Variants in INTS2 observed in about 807,000 individuals in gnomAD.
INTS2 encodes the protein integrator complex subunit 2.
In INTS2, 57 loss-of-function variants were observed where a neutral mutation model predicts 139.6. The ratio of observed to expected loss-of-function variants is 0.41; its 90% CI spans 0.33 to 0.51. INTS2 has a LOEUF of 0.51. INTS2 is among the 20% of genes least tolerant of loss of function. The probability of loss-of-function intolerance (pLI) is 0.28; values close to 1 mark genes in which losing one functional copy is unlikely to be tolerated. For synonymous variants in INTS2, 473 were observed against 493.4 expected, an observed-to-expected ratio of 0.96 and a Z score of 0.55; for missense variants, 1,196 against 1,436.7, an observed-to-expected ratio of 0.83 and a Z score of 2.71.
At position 61,921,829 on chromosome 17, in the gene INTS2, T is replaced by G; in HGVS notation, c.433-2A>C. Reference sequence around the variant, plus strand: ...AAATTCTCCGTTGGACTCAGACACCTTAAAAAAGAAAAAAAAAAGATATAA... The same window carrying G: ...AAATTCTCCGTTGGACTCAGACACCGTAAAAAAGAAAAAAAAAAGATATAA... On this transcript the variant is annotated splice_acceptor_variant, in intron 3 of 24. Coordinates refer to ENST00000251334, the MANE Select transcript of INTS2 (RefSeq NM_001351695.2). LOFTEE classifies it high-confidence loss of function. 6.8e-7 allele frequency: 1 copy of G among 1,474,894 alleles called. No individual in the cohort carries two copies. Among genetic ancestry groups the G allele is most frequent in the Non-Finnish European group, 9.3e-7 (1 of 1,077,400 alleles). 91.4% of individuals were successfully genotyped at this position (1,474,894 alleles called of 1,614,324 possible). A position where few individuals can be genotyped will look rare whatever the true frequency, so the allele number is the denominator to read the frequency against.
chr17:61,869,397 C>CG lies in INTS2; in HGVS notation c.3031-18dup, dbSNP rs1215920391. The CG allele has an allele frequency of 2.7e-6, 4 of 1,491,534 alleles. No homozygotes were observed. The highest frequency in any genetic ancestry group is 1.9e-5 in the Admixed American group (1 of 51,408). The allele number at this position is 1,491,534 out of a possible 1,614,324, so 92.4% of individuals were successfully genotyped here. ...TGGATAACCCTATCTCAACAAGAAA[C>CG]GGGAAAAAAGTCAGAAATAAAATAA... On this transcript the variant is annotated splice_polypyrimidine_tract_variant and intron_variant, in intron 21 of 24. Transcript: ENST00000251334. The surrounding 1 kb of genome is among the most constrained non-coding windows in gnomAD (Gnocchi z 5.4).
chr17:61,915,824 A>T (rs1238027755), intron 5 of INTS2, among the ~76,000 whole-genome samples: 2 of 149,178 alleles, frequency 1.3e-5, no homozygotes, highest in Non-Finnish European at 3.0e-5. Context: ...TCTAAAAAAA[A>T]AAAAAAAAAA....
intron 15 of INTS2, among the ~76,000 whole-genome samples, chr17:61,888,737 C>T (rs2079256853): frequency 6.6e-6 from 1 of 151,974 alleles, no homozygotes; most frequent in Admixed American, 6.6e-5. Flanking sequence ...CAAAACGAAA[C>T]TCTTCGGCCA....
rs1229284478 is a variant in INTS2 at position 61,866,448 on chromosome 17, G to A, written c.*1109C>T. 6.6e-6 allele frequency: 1 copy of A among 151,662 alleles called. No homozygotes were observed. The highest frequency in any genetic ancestry group is 2.4e-5 in the African/African-American group (1 of 41,268). 9.4% of individuals were successfully genotyped at this position (151,662 alleles called of 1,614,324 possible). A position where few individuals can be genotyped will look rare whatever the true frequency, so the allele number is the denominator to read the frequency against. On this transcript the variant is annotated 3_prime_UTR_variant, in exon 25 of 25. Transcript: ENST00000251334. ...TGAGGTATATCTCAGAGAGAAAAAA[G>A]GGAATTACTTTCTACATTGATAATT...
Position 61,885,235 on chromosome 17 carries a change from C to T in INTS2, c.1985-230G>A, listed in dbSNP as rs1315440916. 1.3e-5 allele frequency: 7 copies of T among 522,212 alleles called. No individual in the cohort carries two copies. The South Asian group carries it at 1.5e-4, about 11-fold the overall frequency. 32.3% of individuals were successfully genotyped at this position (522,212 alleles called of 1,614,324 possible). On this transcript the variant is annotated intron_variant, in intron 15 of 24. Transcript: ENST00000251334. ...AAATGTCCTGAAATTTAAAACTAGA[C>T]AGAAGAAAATTCATAACAGGTTGAG...
intron 15 of INTS2, among the ~76,000 whole-genome samples, chr17:61,885,562 G>A (rs1374815249): frequency 1.3e-5 from 2 of 151,644 alleles, no homozygotes; most frequent in Non-Finnish European, 2.9e-5. Flanking sequence ...TGGGATAACA[G>A]GCATCCACCA....
At chr17:61,922,133 G>C (rs2079647949) in intron 3 of INTS2, among the ~76,000 whole-genome samples, 1 of 152,056 alleles carries the variant, frequency 6.6e-6, no homozygotes, top group Non-Finnish European at 1.5e-5. Context: ...TACATAAACT[G>C]CTTTAAAAAA....
At chr17:61,888,876 T>A (rs906913138) in intron 15 of INTS2, among the ~76,000 whole-genome samples, 9 of 151,826 alleles carry the variant, frequency 5.9e-5, no homozygotes, top group African/African-American at 2.2e-4. Flanking sequence ...TACAAAAAAA[T>A]TAGCCGGGCG....
chr17:61,895,270 T>C (rs749737548), intron 12 of INTS2, 45 bp downstream of exon 12: 10 of 1,122,250 alleles, frequency 8.9e-6, no homozygotes, highest in Non-Finnish European at 1.3e-5. Context: ...CCAAAGAATA[T>C]TGTAAAAGAA....
intron 8 of INTS2, among the ~76,000 whole-genome samples, chr17:61,906,071 T>C (rs376133834): frequency 2.0e-5 from 3 of 152,168 alleles, no homozygotes; most frequent in African/African-American, 7.2e-5. Context: ...AAAAACTGTT[T>C]CCATGTTTTG....
chr17:61,914,608 C>T (rs1044894454), intron 5 of INTS2, among the ~76,000 whole-genome samples: 1 of 148,166 alleles, frequency 6.7e-6, no homozygotes, highest in Non-Finnish European at 1.5e-5. Flanking sequence ...GAGGCTGAGG[C>T]GGGAGAATGG....
rs538584584 is a variant in INTS2 at position 61,889,713 on chromosome 17, A to G, written c.1984+73T>C. The G allele has an allele frequency of 5.9e-5, 42 of 712,380 alleles. No homozygotes were observed. The South Asian group carries it at 6.9e-4, about 12-fold the overall frequency. 44.1% of individuals were successfully genotyped at this position (712,380 alleles called of 1,614,324 possible). ...TAAAATATTGCCCTTATCAAAGAAC[A>G]GTTTGGAAAGTAACAAAATACAAGC... On this transcript the variant is annotated intron_variant, in intron 15 of 24. Coordinates refer to ENST00000251334, the MANE Select transcript of INTS2 (RefSeq NM_001351695.2).
intron 8 of INTS2, among the ~76,000 whole-genome samples, chr17:61,905,301 T>C (rs570647615): frequency 6.6e-6 from 1 of 152,174 alleles, no homozygotes; most frequent in Non-Finnish European, 1.5e-5. Flanking sequence ...TTGAAAATAT[T>C]AGAAACATTG....
At position 61,868,126 on chromosome 17, in the gene INTS2, G is replaced by A; in HGVS notation, c.3245-117C>T. 2 of 704,730 alleles carry A rather than the reference G, an allele frequency of 2.8e-6. No homozygotes were observed. Among genetic ancestry groups the A allele is most frequent in the Non-Finnish European group, 4.3e-6 (2 of 460,074 alleles). The allele number at this position is 704,730 out of a possible 1,614,324, so 43.7% of individuals were successfully genotyped here. A position where few individuals can be genotyped will look rare whatever the true frequency, so the allele number is the denominator to read the frequency against. Reference sequence around the variant, plus strand: ...GGAGATATGAAGTTCTCTAAACACAGCCAACCCGTCTTCAGAAAGCTCACA... The same window carrying A: ...GGAGATATGAAGTTCTCTAAACACAACCAACCCGTCTTCAGAAAGCTCACA... On this transcript the variant is annotated intron_variant, in intron 23 of 24. Transcript: ENST00000251334. This position sits in a 1 kb window ranked among gnomAD's most constrained non-coding sequence, Gnocchi z 4.7.
In INTS2 at chr17:61,876,547, T is replaced by A. The variant is rs2079129106; in HGVS notation, c.2456+1340A>T. ...TCCATCTCCTGGGCTCAAGCGATCG[T>A]CCTGCCTCAGCCCACCAAGTAGCTG... On this transcript the variant is annotated intron_variant, in intron 18 of 24. Coordinates refer to ENST00000251334, the MANE Select transcript of INTS2 (RefSeq NM_001351695.2). The surrounding 1 kb of genome is among the most constrained non-coding windows in gnomAD (Gnocchi z 4.1). Among the ~76,000 whole-genome samples, 1 of 152,024 alleles carries A rather than the reference T, an allele frequency of 6.6e-6. No individual in the cohort carries two copies. Among genetic ancestry groups the A allele is most frequent in the Admixed American group, 6.6e-5 (1 of 15,266 alleles).
chr17:61,892,291 A>G (rs1376824296), intron 13 of INTS2, among the ~76,000 whole-genome samples: 1 of 152,202 alleles, frequency 6.6e-6, no homozygotes, highest in Non-Finnish European at 1.5e-5. Context: ...TATCATGCAT[A>G]TATTATTCAC....
Position 61,869,637 on chromosome 17 carries a change from G to C in INTS2, c.3030+100C>G. On this transcript the variant is annotated intron_variant, in intron 21 of 24. Coordinates refer to ENST00000251334, the MANE Select transcript of INTS2 (RefSeq NM_001351695.2). This position sits in a 1 kb window ranked among gnomAD's most constrained non-coding sequence, Gnocchi z 5.4. ...TATTGCAAAAGCCCATGGATCATTT[G>C]TGTTTTCTCTGGTTTCTAAATGATC... is the stretch of plus-strand genomic sequence containing the variant. 1 of 1,348,964 alleles carries C rather than the reference G, an allele frequency of 7.4e-7. No individual in the cohort carries two copies. Among genetic ancestry groups the C allele is most frequent in the South Asian group, 1.4e-5 (1 of 69,374 alleles). 83.6% of individuals were successfully genotyped at this position (1,348,964 alleles called of 1,614,324 possible). A position where few individuals can be genotyped will look rare whatever the true frequency, so the allele number is the denominator to read the frequency against.
chr17:61,869,393 G>A lies in INTS2; in HGVS notation c.3031-13C>T, dbSNP rs1321329210. 1 of 1,511,140 alleles carries A rather than the reference G, an allele frequency of 6.6e-7. No homozygotes were observed. The highest frequency in any genetic ancestry group is 1.2e-5 in the South Asian group (1 of 82,654). The allele number at this position is 1,511,140 out of a possible 1,614,324, so 93.6% of individuals were successfully genotyped here. On this transcript the variant is annotated splice_polypyrimidine_tract_variant and intron_variant, in intron 21 of 24. Coordinates refer to ENST00000251334, the MANE Select transcript of INTS2 (RefSeq NM_001351695.2). This position sits in a 1 kb window ranked among gnomAD's most constrained non-coding sequence, Gnocchi z 5.4. ...CACATGGATAACCCTATCTCAACAA[G>A]AAACGGGAAAAAAGTCAGAAATAAA...
chr17:61,889,925 A>C (rs971581019), intron 14 of INTS2, 31 bp from the exon 15 acceptor site: 9 of 1,330,590 alleles, frequency 6.8e-6, no homozygotes, highest in Non-Finnish European at 9.6e-6. Context: ...ACTCTGAAAT[A>C]CTCTGAATTT....
Sources: gnomAD v4.1 joint callset for allele counts (sites outside exome capture counted in the v4.1 genomes callset) on GRCh38, gnomAD v4.1.1 for gene constraint, Gnocchi (gnomAD v3.1) non-coding constraint, MANE v1.5 for transcripts, NCBI Gene and HGNC (gene_info 2026-07-23, HGNC 2026-07-21) for gene names.